The following ARHGEF9 variants were observed in gnomAD, a reference collection of about 807,000 sequenced individuals.
The protein encoded by ARHGEF9 is Cdc42 guanine nucleotide exchange factor 9.
In ARHGEF9, 2 loss-of-function variants were observed where a neutral mutation model predicts 41.3. The observed-to-expected ratio is 0.05, with a 90% confidence interval of 0.02 to 0.15. The LOEUF (loss-of-function observed/expected upper bound fraction) is 0.15. Ranked by LOEUF, ARHGEF9 falls within the 10% of genes least tolerant of loss-of-function variation. The probability of loss-of-function intolerance (pLI) is 1.00; values close to 1 mark genes in which losing one functional copy is unlikely to be tolerated. For synonymous variants in ARHGEF9, 160 were observed against 154.4 expected, an observed-to-expected ratio of 1.04 and a Z score of -0.27; for missense variants, 225 against 424.7, an observed-to-expected ratio of 0.53 and a Z score of 4.13.
In ARHGEF9 at chrX:63,637,128, C is replaced by T. The variant is rs2047346073; in HGVS notation, c.*900G>A. 3.4e-6 allele frequency: 1 copy of T among 297,238 alleles called. No individual in the cohort carries two copies. Among genetic ancestry groups the T allele is most frequent in the Non-Finnish European group, 5.9e-6 (1 of 170,273 alleles). The allele number at this position is 297,238 out of a possible 1,213,427, so 24.5% of individuals were successfully genotyped here. On this transcript the variant is annotated 3_prime_UTR_variant, in exon 10 of 10. Coordinates refer to ENST00000671741, the MANE Select transcript of ARHGEF9 (RefSeq NM_001353921.2). ...AGTGACTTGAAAAAAGAGAATAACT[C>T]GATCAAACTAACTCCTAGATGCAAA...
intron 9 of ARHGEF9, chrX:63,642,526 C>T (rs1556307334): frequency 9.0e-6 from 1 of 111,616 alleles, no homozygotes; most frequent in Non-Finnish European, 1.9e-5. Context: ...ACAATAAGGG[C>T]CTCCCAAGAG....
intron 5 of ARHGEF9, among the ~76,000 whole-genome samples, chrX:63,675,365 C>A (rs782303113): frequency 9.0e-6 from 1 of 111,421 alleles, no homozygotes; most frequent in South Asian, 3.8e-4. Flanking sequence ...AATATCCTCA[C>A]GTTTGCTTTT....
chrX:63,702,832 A>C (rs1282687317), intron 3 of ARHGEF9, among the ~76,000 whole-genome samples: 1 of 111,989 alleles, frequency 8.9e-6, no homozygotes, highest in East Asian at 2.8e-4. Context: ...TCTACATCTT[A>C]CAGAACTAGA....
At chrX:63,781,083 G>T in intron 1 of ARHGEF9, among the ~76,000 whole-genome samples, 1 of 112,205 alleles carries the variant, frequency 8.9e-6, no homozygotes, top group Non-Finnish European at 1.9e-5. Flanking sequence ...ATTGAAAGGT[G>T]TAATACTTCT....
chrX:63,687,273 GAGAA>G (rs1334943768), intron 4 of ARHGEF9, among the ~76,000 whole-genome samples: 20 of 111,527 alleles, frequency 1.8e-4, no homozygotes, highest in Admixed American at 4.8e-4. Context: ...CTCTGAAATT[GAGAA>G]AGACTATGTC....
At chrX:63,644,168 A>C (rs1432367646) in intron 8 of ARHGEF9, 120 bp from the exon 9 acceptor site, 4 of 118,476 alleles carry the variant, frequency 3.4e-5, no homozygotes, top group Non-Finnish European at 4.5e-5. Flanking sequence ...CTTGAAATAC[A>C]AAAAAAAAAA....
chrX:63,679,769 A>G (rs2050496775), intron 4 of ARHGEF9, among the ~76,000 whole-genome samples: 1 of 112,176 alleles, frequency 8.9e-6, no homozygotes, highest in East Asian at 2.8e-4. Flanking sequence ...CTTGCCCCTA[A>G]GATCAAAACA....
In ARHGEF9 at chrX:63,637,641, C is replaced by T; in HGVS notation, c.*387G>A. 1 of 203,746 alleles carries T rather than the reference C, an allele frequency of 4.9e-6. No homozygotes were observed. The highest frequency in any genetic ancestry group is 8.9e-6 in the Non-Finnish European group (1 of 112,319). The allele number at this position is 203,746 out of a possible 1,213,427, so 16.8% of individuals were successfully genotyped here. On this transcript the variant is annotated 3_prime_UTR_variant, in exon 10 of 10. Transcript: ENST00000671741. The stretch of plus-strand genomic sequence containing the variant: ...GTAATAATGACAAGGCAGTGAATCA[C>T]TCACAGGGGAGTAAAGAGATTATCT...
At chrX:63,692,408 C>T (rs1556382442) in intron 4 of ARHGEF9, among the ~76,000 whole-genome samples, 1 of 112,357 alleles carries the variant, frequency 8.9e-6, no homozygotes, top group African/African-American at 3.2e-5. Context: ...ATGCTCTGAA[C>T]AGACATTTCT....
At chrX:63,643,932 G>A (rs1556309447) in intron 9 of ARHGEF9, 48 bp downstream of exon 9, 2 of 1,155,842 alleles carry the variant, frequency 1.7e-6, no homozygotes, top group Non-Finnish European at 2.4e-6. Context: ...TAAGCATATA[G>A]CTTATGATTC....
chrX:63,754,143 TG>T (rs782215469), intron 1 of ARHGEF9: 1 of 569,014 alleles, frequency 1.8e-6, no homozygotes, highest in Non-Finnish European at 2.9e-6. Flanking sequence ...ACGCAGAGCT[TG>T]CTCCATGAAC....
rs782721432 is a variant in ARHGEF9 at position 63,747,181 on chromosome X, C to A, written c.31-22470G>T. ...GAAGAAATCTTTGAAGTCATCAAAT[C>A]CACCTATCCTTATTTTGCTGATGAA... On this transcript the variant is annotated intron_variant, in intron 1 of 9. Transcript: ENST00000671741. Among the ~76,000 whole-genome samples, 158 of 112,061 alleles carry A rather than the reference C, an allele frequency of 1.4e-3. 1 individual carries two copies. The highest frequency in any genetic ancestry group is 5.0e-3 in the African/African-American group (155 of 30,843).
intron 1 of ARHGEF9, among the ~76,000 whole-genome samples, chrX:63,779,607 A>G: frequency 8.9e-6 from 1 of 112,065 alleles, no homozygotes; most frequent in Middle Eastern, 4.6e-3. Context: ...GCAAAACCAT[A>G]TAACCATCCA....
intron 2 of ARHGEF9, among the ~76,000 whole-genome samples, chrX:63,710,287 C>A: frequency 2.3e-5 from 2 of 86,718 alleles, no homozygotes; most frequent in Non-Finnish European, 4.3e-5. Context: ...GAAAACTTCC[C>A]ACATGGGAGA....
At position 63,636,920 on chromosome X, in the gene ARHGEF9, G is replaced by C. The variant is rs1556298495; in HGVS notation, c.*1108C>G. 2 of 295,296 alleles carry C rather than the reference G, an allele frequency of 6.8e-6. No homozygotes were observed. Among genetic ancestry groups the C allele is most frequent in the Non-Finnish European group, 1.2e-5 (2 of 170,015 alleles). The allele number at this position is 295,296 out of a possible 1,213,427, so 24.3% of individuals were successfully genotyped here. On this transcript the variant is annotated 3_prime_UTR_variant, in exon 10 of 10. Coordinates refer to ENST00000671741, the MANE Select transcript of ARHGEF9 (RefSeq NM_001353921.2). ...TTCTATCAATGCTGCCCAAACATCT[G>C]TAAATGGGAGCAGGGACAACCAGGA...
intron 1 of ARHGEF9, among the ~76,000 whole-genome samples, chrX:63,748,279 C>T (rs1434375987): frequency 9.0e-6 from 1 of 111,602 alleles, no homozygotes; most frequent in Non-Finnish European, 1.9e-5. Context: ...ATCAACGACT[C>T]GAATGCCATT....
At chrX:63,763,982 C>T (rs192139741) in intron 1 of ARHGEF9, among the ~76,000 whole-genome samples, 61 of 111,677 alleles carry the variant, frequency 5.5e-4, no homozygotes, top group Non-Finnish European at 9.4e-4. Flanking sequence ...TTTGAAAGTA[C>T]TCTATGGAAT....
chrX:63,697,784 C>CA (rs782154531), intron 3 of ARHGEF9, among the ~76,000 whole-genome samples: 141 of 110,821 alleles, frequency 1.3e-3, no homozygotes, highest in Non-Finnish European at 2.3e-3. Context: ...ACCATTTCTT[C>CA]AAAAAAAAGT....
chrX:63,689,495 C>G (rs1322431825), intron 4 of ARHGEF9, among the ~76,000 whole-genome samples: 6 of 111,873 alleles, frequency 5.4e-5, no homozygotes, highest in African/African-American at 1.9e-4. Flanking sequence ...CCCAAATATA[C>G]ACAACAAATA....
Sources: allele counts gnomAD v4.1 joint callset (sites outside exome capture counted in the v4.1 genomes callset), GRCh38; gene constraint gnomAD v4.1.1; transcripts MANE v1.5; gene names NCBI Gene and HGNC (gene_info 2026-07-23, HGNC 2026-07-21).